MGME1: variants seen among roughly 807,000 people sequenced by gnomAD.
MGME1 encodes the protein mitochondrial genome maintenance exonuclease 1, also known as chromosome 20 open reading frame 72.
A neutral mutation model predicts 33.0 loss-of-function variants in MGME1; 22 were observed. The observed-to-expected ratio is 0.67, with a 90% CI of 0.48 to 0.95. The LOEUF (loss-of-function observed/expected upper bound fraction) is 0.95, where lower values mean the gene tolerates loss of function less well. Ranked by LOEUF, MGME1 falls within the 40% of genes least tolerant of loss-of-function variation. MGME1 has a pLI of 0.00. For missense variants in MGME1, 383 were observed against 397.8 expected (o/e 0.96, Z 0.32); for synonymous variants, 133 against 144.0 (o/e 0.92, Z 0.55).
chr20:17,984,622 A>G (rs1568615066), intron 3 of MGME1, among the ~76,000 whole-genome samples: 1 of 152,228 alleles, frequency 6.6e-6, no homozygotes, highest in Non-Finnish European at 1.5e-5. Flanking sequence ...ACTGGTATTT[A>G]CTATGATTCT....
chr20:17,981,648 C>CTGTGTGTGTGT (rs1491588702), intron 3 of MGME1, among the ~76,000 whole-genome samples: 76 of 139,810 alleles, frequency 5.4e-4, no homozygotes, highest in African/African-American at 1.8e-3. Flanking sequence ...ATCTACTACT[C>CTGTGTGTGTGT]GTGTGTGTGT....
At chr20:17,969,363 A>G (rs2035648499) in intron 1 of MGME1, among the ~76,000 whole-genome samples, 1 of 152,230 alleles carries the variant, frequency 6.6e-6, no homozygotes. Context: ...CGTCTGTGCA[A>G]CGGGTTCATT....
intron 3 of MGME1, among the ~76,000 whole-genome samples, chr20:17,986,998 G>A (rs2036168654): frequency 6.6e-6 from 1 of 151,642 alleles, no homozygotes; most frequent in Non-Finnish European, 1.5e-5. Flanking sequence ...TGGCCAATAG[G>A]GCGAAACCCC....
intron 3 of MGME1, among the ~76,000 whole-genome samples, chr20:17,982,810 C>T (rs1313446808): frequency 1.3e-5 from 2 of 152,080 alleles, no homozygotes; most frequent in East Asian, 1.9e-4. Context: ...TATTTATAGG[C>T]TACAGTATGA....
rs761515505 is a variant in MGME1, at chr20:17,970,366, T to C, written c.507T>C (p.Thr169=). 1 of 1,605,438 alleles carries C rather than the reference T, an allele frequency of 6.2e-7. No individual in the cohort carries two copies. Among genetic ancestry groups the C allele is most frequent in the Non-Finnish European group, 8.5e-7 (1 of 1,176,588 alleles). ...ELGEDGFKEY[T]SNVFLQGKRF... Reference sequence around the variant, plus strand: ...GAGAAGATGGCTTTAAAGAATACACTTCAAGTAATTATCTCAATTCTGATT... The same window carrying C: ...GAGAAGATGGCTTTAAAGAATACACCTCAAGTAATTATCTCAATTCTGATT... Residue 169 remains threonine, a synonymous_variant, in exon 2 of 5, where the codon ACT becomes ACC. Transcript: ENST00000377710.
At chr20:17,971,225 C>T (rs2035721047) in intron 2 of MGME1, among the ~76,000 whole-genome samples, 1 of 152,206 alleles carries the variant, frequency 6.6e-6, no homozygotes. Flanking sequence ...ACACATTAAA[C>T]ATGTCACATG....
At chr20:17,975,582 C>A in intron 2 of MGME1, 102 bp from the exon 3 acceptor site, 14 of 807,468 alleles carry the variant, frequency 1.7e-5, no homozygotes, top group Non-Finnish European at 2.3e-5. Context: ...AAAAAAATGT[C>A]ATTTTTAATT....
intron 4 of MGME1, among the ~76,000 whole-genome samples, chr20:17,989,206 C>T (rs577088018): frequency 1.6e-3 from 239 of 151,760 alleles, no homozygotes; most frequent in Non-Finnish European, 2.8e-3. Flanking sequence ...GCTGACATGG[C>T]GAAACCCTGT....
At chr20:17,969,379 C>A (rs1428730128) in intron 1 of MGME1, among the ~76,000 whole-genome samples, 3 of 152,206 alleles carry the variant, frequency 2.0e-5, no homozygotes, top group Non-Finnish European at 4.4e-5. Flanking sequence ...TCATTCTAGA[C>A]CCACGGTAGA....
rs1391372972 is a variant in MGME1, at chr20:17,975,796, T to C, written c.624T>C (p.Ser208=). 1.9e-6 allele frequency: 3 copies of C among 1,614,148 alleles called. No homozygotes were observed. Among genetic ancestry groups the C allele is most frequent in the South Asian group, 1.1e-5 (1 of 91,078 alleles). Residue 208 remains serine, a synonymous_variant, in exon 3 of 5, where the codon AGT becomes AGC. Coordinates refer to ENST00000377710, the MANE Select transcript of MGME1 (RefSeq NM_052865.4). The part of the protein sequence containing the change: ...ENLLKSGYIE[S]VQHILKDVSG... ...TCCTCAAGTCTGGTTACATTGAAAG[T>C]GTCCAGCATATTCTGAAAGATGTCA...
chr20:17,976,403 C>T (rs1303010500), intron 3 of MGME1, among the ~76,000 whole-genome samples: 1 of 152,188 alleles, frequency 6.6e-6, no homozygotes, highest in Non-Finnish European at 1.5e-5. Context: ...GGATTACAGG[C>T]GTGAGCCACT....
intron 2 of MGME1, among the ~76,000 whole-genome samples, chr20:17,974,729 A>T (rs2035816637): frequency 6.6e-6 from 1 of 152,218 alleles, no homozygotes; most frequent in Admixed American, 6.5e-5. Context: ...AAATATTAGA[A>T]TAGAAAAATG....
rs557855916 is a variant in MGME1 at position 17,991,118 on chromosome 20, A to G, written c.*1009A>G. The G allele has an allele frequency of 1.3e-5, 2 of 152,324 alleles. No individual in the cohort carries two copies. The highest frequency in any genetic ancestry group is 1.9e-4 in the East Asian group (1 of 5,192). 9.4% of individuals were successfully genotyped at this position (152,324 alleles called of 1,614,324 possible). On this transcript the variant is annotated 3_prime_UTR_variant, in exon 5 of 5. Coordinates refer to ENST00000377710, the MANE Select transcript of MGME1 (RefSeq NM_052865.4). ...AGAAATAAAATACAAGATATGAGTAATGAAGCTTTGGTTTTGTTTACTTTG... is the reference window on the plus strand; with the variant it reads ...AGAAATAAAATACAAGATATGAGTAGTGAAGCTTTGGTTTTGTTTACTTTG...
Position 17,990,376 on chromosome 20 carries a change from A to G in MGME1, c.*267A>G. The G allele has an allele frequency of 9.4e-6, 3 of 317,964 alleles. No homozygotes were observed. The highest frequency in any genetic ancestry group is 2.6e-5 in the South Asian group (1 of 39,184). The allele number at this position is 317,964 out of a possible 1,614,324, so 19.7% of individuals were successfully genotyped here. The stretch of plus-strand genomic sequence containing the variant: ...AGGAGGACACGCAGGATGGGCAGTC[A>G]TGCTGGTGACTCTTGTACTCCCTTG... On this transcript the variant is annotated 3_prime_UTR_variant, in exon 5 of 5. Coordinates refer to ENST00000377710, the MANE Select transcript of MGME1 (RefSeq NM_052865.4).
chr20:17,968,952 C>T (rs1227353513), upstream of MGME1: 2 of 155,388 alleles, frequency 1.3e-5, no homozygotes, highest in South Asian at 1.7e-4. Flanking sequence ...TACTCCCTGC[C>T]TCTAACTGGT....
chr20:17,975,936 C>A, intron 3 of MGME1, 33 bp downstream of exon 3: 1 of 1,518,024 alleles, frequency 6.6e-7, no homozygotes, highest in Non-Finnish European at 9.1e-7. Flanking sequence ...ATTAATACAG[C>A]GTAGGACAGA....
chr20:17,975,583 AT>A (rs1287323515), intron 2 of MGME1, 100 bp from the exon 3 acceptor site: 1 of 855,070 alleles, frequency 1.2e-6, no homozygotes, highest in East Asian at 2.7e-5. Flanking sequence ...AAAAAATGTC[AT>A]TTTTAATTGT....
At chr20:17,975,650 T>TC (rs774735565) in intron 2 of MGME1, 34 bp from the exon 3 acceptor site, 77 of 1,503,856 alleles carry the variant, frequency 5.1e-5, no homozygotes, top group Non-Finnish European at 6.7e-5. Flanking sequence ...TGTTTGTGTT[T>TC]CCCCCCTCCC....
rs114748659 is a variant in MGME1 at position 17,982,174 on chromosome 20, G to C, written c.732-5992G>C. 5.4e-3 allele frequency among the ~76,000 whole-genome samples: 822 copies of C among 152,330 alleles called. 8 individuals carry two copies. The highest frequency in any genetic ancestry group is 0.018 in the African/African-American group (758 of 41,576). ...ACGGAGTTTCACCCTTGTTGCCCAG[G>C]CTGGAGTGAAATGGTGCGGCACCGC... On this transcript the variant is annotated intron_variant, in intron 3 of 4. Coordinates refer to ENST00000377710, the MANE Select transcript of MGME1 (RefSeq NM_052865.4).
Sources: gnomAD v4.1 joint callset for allele counts (sites outside exome capture counted in the v4.1 genomes callset) on GRCh38, gnomAD v4.1.1 for gene constraint, MANE v1.5 for transcripts, NCBI Gene and HGNC (gene_info 2026-07-23, HGNC 2026-07-21) for gene names.